The following FAM120A variants were observed in gnomAD, a reference collection of about 807,000 sequenced individuals.
FAM120A encodes the protein family with sequence similarity 120 member A.
In FAM120A, 15 loss-of-function variants were observed where a neutral mutation model predicts 109.7. The ratio of observed to expected loss-of-function variants is 0.14; its 90% CI spans 0.09 to 0.21. The LOEUF (loss-of-function observed/expected upper bound fraction) is 0.21. Ranked by LOEUF, FAM120A falls within the 10% of genes least tolerant of loss-of-function variation. The pLI, the probability that FAM120A is intolerant of heterozygous loss-of-function variation, is 1.00. For synonymous variants in FAM120A, 493 were observed against 572.8 expected, an observed-to-expected ratio of 0.86 and a Z score of 1.99; for missense variants, 899 against 1,439.3, an observed-to-expected ratio of 0.62 and a Z score of 6.07.
intron 1 of FAM120A, among the ~76,000 whole-genome samples, chr9:93,468,967 C>G (rs1397200537): frequency 2.6e-5 from 4 of 152,196 alleles, no homozygotes; most frequent in Non-Finnish European, 4.4e-5. Flanking sequence ...CCCGCTTTTC[C>G]TCTTGATCCC....
chr9:93,488,746 A>T (rs958716073), intron 3 of FAM120A, among the ~76,000 whole-genome samples: 3 of 151,948 alleles, frequency 2.0e-5, no homozygotes, highest in African/African-American at 7.3e-5. Context: ...GTCATCTTTG[A>T]TTCTTCCCCT....
chr9:93,496,274 A>G (rs1859571644), intron 3 of FAM120A, among the ~76,000 whole-genome samples: 1 of 152,246 alleles, frequency 6.6e-6, no homozygotes, highest in Non-Finnish European at 1.5e-5. Flanking sequence ...GAATGGTCTT[A>G]ATGGCATTCA....
chr9:93,457,179 A>G (rs1005569706), intron 1 of FAM120A, among the ~76,000 whole-genome samples: 5 of 152,312 alleles, frequency 3.3e-5, no homozygotes, highest in South Asian at 2.1e-4. Flanking sequence ...ACTATTGGGA[A>G]TAATGAATAA....
intron 5 of FAM120A, among the ~76,000 whole-genome samples, chr9:93,513,067 G>C (rs910716180): frequency 3.3e-5 from 5 of 152,160 alleles, no homozygotes; most frequent in Non-Finnish European, 7.3e-5. Flanking sequence ...CCTTAGATTT[G>C]TATTATTCCA....
chr9:93,495,362 G>A (rs1057258926), intron 3 of FAM120A, among the ~76,000 whole-genome samples: 13 of 152,178 alleles, frequency 8.5e-5, no homozygotes, highest in Admixed American at 2.0e-4. Context: ...CTAATACACC[G>A]TTATAACTCA....
Position 93,500,204 on chromosome 9 carries a change from C to A in FAM120A, c.1030+1318C>A, listed in dbSNP as rs1859740857. ...GCAGTTGGACTGTGCTACTCCCATGCTCAGAATTCCCCATTGGCTTCCCGT... is the reference window on the plus strand; with the variant it reads ...GCAGTTGGACTGTGCTACTCCCATGATCAGAATTCCCCATTGGCTTCCCGT... On this transcript the variant is annotated intron_variant, in intron 5 of 17. Coordinates refer to ENST00000277165, the MANE Select transcript of FAM120A (RefSeq NM_014612.5). This position sits in a 1 kb window ranked among gnomAD's most constrained non-coding sequence, Gnocchi z 4.6. 6.6e-6 allele frequency among the ~76,000 whole-genome samples: 1 copy of A among 152,252 alleles called. No individual in the cohort carries two copies.
chr9:93,546,920 A>T (rs915077454), intron 11 of FAM120A, among the ~76,000 whole-genome samples: 4 of 152,186 alleles, frequency 2.6e-5, no homozygotes, highest in African/African-American at 9.7e-5. Context: ...TGGTCTTCTC[A>T]TTGCTCCCTA....
At chr9:93,529,811 G>A in intron 9 of FAM120A, 1 of 593,426 alleles carries the variant, frequency 1.7e-6, no homozygotes, top group Non-Finnish European at 3.0e-6. Context: ...ACTTAGTATA[G>A]AATATTTTAT....
At chr9:93,562,330 C>T (rs1417867119) in intron 17 of FAM120A, 26 bp downstream of exon 17, 7 of 1,557,636 alleles carry the variant, frequency 4.5e-6, no homozygotes, top group Non-Finnish European at 6.2e-6. Flanking sequence ...GATGTTTGTG[C>T]CAGTTCAATG....
intron 1 of FAM120A, 93 bp from the exon 2 acceptor site, chr9:93,471,048 G>A: frequency 6.9e-7 from 1 of 1,456,408 alleles, no homozygotes; most frequent in South Asian, 1.3e-5. Context: ...TCATAAATGT[G>A]ATTTTTCAGC....
chr9:93,517,236 T>G (rs1292595154), intron 7 of FAM120A, among the ~76,000 whole-genome samples: 3 of 152,272 alleles, frequency 2.0e-5, no homozygotes, highest in Non-Finnish European at 2.9e-5. Flanking sequence ...ATAACATTAA[T>G]AAATGTTGAT....
chr9:93,499,201 G>A (rs557493971), intron 5 of FAM120A, among the ~76,000 whole-genome samples: 40 of 151,936 alleles, frequency 2.6e-4, no homozygotes, highest in Non-Finnish European at 5.3e-4. Context: ...GCCTGAGGAC[G>A]TAGAAGGGCC....
In FAM120A at chr9:93,485,559, C is replaced by T. The variant is rs1262248586; in HGVS notation, c.804+9221C>T. On this transcript the variant is annotated intron_variant, in intron 3 of 17. Coordinates refer to ENST00000277165, the MANE Select transcript of FAM120A (RefSeq NM_014612.5). Reference sequence around the variant, plus strand: ...CTGCAGTGAGCCTTGATCTGTGCCACTGTGCTCCAGCTTGTGCGACAGAGT... The same window carrying T: ...CTGCAGTGAGCCTTGATCTGTGCCATTGTGCTCCAGCTTGTGCGACAGAGT... 2.0e-5 allele frequency among the ~76,000 whole-genome samples: 3 copies of T among 152,218 alleles called. No homozygotes were observed. In the East Asian group the frequency reaches 5.8e-4, roughly 29 times the overall value.
chr9:93,505,991 T>A (rs1410550745), intron 5 of FAM120A, among the ~76,000 whole-genome samples: 1 of 152,224 alleles, frequency 6.6e-6, no homozygotes, highest in Non-Finnish European at 1.5e-5. Flanking sequence ...TCTGACATGT[T>A]GAGTGTCTCC....
At chr9:93,505,185 C>T (rs908103829) in intron 5 of FAM120A, among the ~76,000 whole-genome samples, 2 of 151,346 alleles carry the variant, frequency 1.3e-5, no homozygotes, top group East Asian at 1.9e-4. Context: ...CTCAGCTTCC[C>T]GAGTAGCTGG....
At chr9:93,509,620 T>C (rs1860223293) in intron 5 of FAM120A, among the ~76,000 whole-genome samples, 1 of 152,244 alleles carries the variant, frequency 6.6e-6, no homozygotes, top group South Asian at 2.1e-4. Flanking sequence ...TGATATTCCT[T>C]AAAAATGTTA....
At chr9:93,534,272 G>C (rs1473531761) in intron 10 of FAM120A, among the ~76,000 whole-genome samples, 1 of 152,116 alleles carries the variant, frequency 6.6e-6, no homozygotes, top group Non-Finnish European at 1.5e-5. Context: ...AGGAGGGGAG[G>C]TGGGGATTGT....
At chr9:93,480,347 C>T (rs186883045) in intron 3 of FAM120A, among the ~76,000 whole-genome samples, 3 of 152,270 alleles carry the variant, frequency 2.0e-5, no homozygotes, top group Non-Finnish European at 2.9e-5. Flanking sequence ...CCCTATTCCT[C>T]GGGAGACCTG....
chr9:93,484,844 G>T (rs1858967855), intron 3 of FAM120A, among the ~76,000 whole-genome samples: 1 of 152,176 alleles, frequency 6.6e-6, no homozygotes, highest in Non-Finnish European at 1.5e-5. Flanking sequence ...CAAAGTGCTG[G>T]GATTACAGGC....
Sources: allele counts gnomAD v4.1 joint callset (sites outside exome capture counted in the v4.1 genomes callset), GRCh38; gene constraint gnomAD v4.1.1; non-coding constraint Gnocchi (gnomAD v3.1); transcripts MANE v1.5; gene names NCBI Gene and HGNC (gene_info 2026-07-23, HGNC 2026-07-21).